SLC36A3: variants seen among roughly 807,000 people sequenced by gnomAD.
SLC36A3 encodes the protein solute carrier family 36 member 3, also known as proton-coupled amino acid transporter 3.
A neutral mutation model predicts 44.3 loss-of-function variants in SLC36A3; 35 were observed. That is an observed-to-expected ratio of 0.79 (90% CI 0.60 to 1.05). The LOEUF (loss-of-function observed/expected upper bound fraction) is 1.05, where lower values mean the gene tolerates loss of function less well. SLC36A3 is among the 50% of genes least tolerant of loss of function. The pLI is 0.00. For missense variants in SLC36A3, 540 were observed against 578.7 expected (o/e 0.93, Z 0.69); for synonymous variants, 211 against 227.6 (o/e 0.93, Z 0.66).
At chr5:151,295,946 CA>C (rs1269471761) in intron 3 of SLC36A3, among the ~76,000 whole-genome samples, 1 of 152,194 alleles carries the variant, frequency 6.6e-6, no homozygotes, top group Non-Finnish European at 1.5e-5. Context: ...GATCTGGGCT[CA>C]GGGGGATGCA....
chr5:151,300,956 T>C (rs915488719), intron 1 of SLC36A3, among the ~76,000 whole-genome samples: 3 of 152,262 alleles, frequency 2.0e-5, no homozygotes, highest in Non-Finnish European at 2.9e-5. Flanking sequence ...TGTCCATACA[T>C]TTCCTCCATC....
chr5:151,285,370 A>G (rs1754496617), intron 6 of SLC36A3, among the ~76,000 whole-genome samples: 1 of 152,212 alleles, frequency 6.6e-6, no homozygotes, highest in South Asian at 2.1e-4. Context: ...AGTGGAACAC[A>G]GAGGAGAGGG....
chr5:151,302,895 TGAG>T (rs1755210277), intron 1 of SLC36A3, among the ~76,000 whole-genome samples: 1 of 123,426 alleles, frequency 8.1e-6, no homozygotes, highest in East Asian at 2.5e-4. Context: ...GGCAGATGTG[TGAG>T]GAGAAGAAGG....
intron 6 of SLC36A3, among the ~76,000 whole-genome samples, chr5:151,286,324 G>C (rs912660013): frequency 1.3e-5 from 2 of 152,118 alleles, no homozygotes; most frequent in African/African-American, 4.8e-5. Context: ...AGACGGTCTT[G>C]CTCTGTCACC....
At chr5:151,283,367 A>T (rs530925055) in intron 8 of SLC36A3, among the ~76,000 whole-genome samples, 51 of 152,328 alleles carry the variant, frequency 3.3e-4, no homozygotes, top group African/African-American at 1.2e-3. Flanking sequence ...GGTTCACACC[A>T]GCAGGTGTGA....
rs1276450880 is a variant in SLC36A3 at position 151,277,584 on chromosome 5, G to A, written c.1222C>T (p.Leu408Phe). 2.5e-6 allele frequency: 4 copies of A among 1,614,074 alleles called. No individual in the cohort carries two copies. The highest frequency in any genetic ancestry group is 3.4e-6 in the Non-Finnish European group (4 of 1,180,046). ...ATCTCCAGGAGGGCTGGGATGATGA[G>A]AGCCAGGGCGCTGCTGCTCACGGAG... ...VGSVSSSALA[L>F]IIPALLEIVI... Residue 408 changes from leucine to phenylalanine, a missense_variant, in exon 10 of 10, where the codon CTC becomes TTC. Leu to Phe is a conservative substitution (Grantham distance 22). Coordinates refer to ENST00000335230, the MANE Select transcript of SLC36A3 (RefSeq NM_181774.4).
chr5:151,295,355 C>T (rs886313557), intron 3 of SLC36A3, among the ~76,000 whole-genome samples: 1 of 152,202 alleles, frequency 6.6e-6, no homozygotes, highest in Non-Finnish European at 1.5e-5. Flanking sequence ...GCACGATAAC[C>T]GCAGTGTAAT....
chr5:151,277,142 C>A lies in SLC36A3; in HGVS notation c.*251G>T. 1 of 506,822 alleles carries A rather than the reference C, an allele frequency of 2.0e-6. No individual in the cohort carries two copies. Among genetic ancestry groups the A allele is most frequent in the South Asian group, 3.1e-5 (1 of 32,248 alleles). The allele number at this position is 506,822 out of a possible 1,614,324, so 31.4% of individuals were successfully genotyped here. A position where few individuals can be genotyped will look rare whatever the true frequency, so the allele number is the denominator to read the frequency against. ...GGCATCCCTTTTCCATAAAATGAGGCTGATAATATGAATAGTTGAATCTAA... is the reference window on the plus strand; with the variant it reads ...GGCATCCCTTTTCCATAAAATGAGGATGATAATATGAATAGTTGAATCTAA... On this transcript the variant is annotated 3_prime_UTR_variant, in exon 10 of 10. Coordinates refer to ENST00000335230, the MANE Select transcript of SLC36A3 (RefSeq NM_181774.4).
intron 6 of SLC36A3, 92 bp from the exon 7 acceptor site, chr5:151,284,803 C>T (rs1003413793): frequency 3.6e-5 from 29 of 811,560 alleles, no homozygotes; most frequent in Non-Finnish European, 4.9e-5. Flanking sequence ...CACACCTGAT[C>T]TCAACAGAGA....
At position 151,281,038 on chromosome 5, in the gene SLC36A3, G is replaced by A. The variant is rs142309332; in HGVS notation, c.1120C>T (p.Arg374Cys). The A allele has an allele frequency of 2.9e-5, 46 of 1,614,006 alleles. No individual in the cohort carries two copies. The highest frequency in any genetic ancestry group is 6.7e-5 in the Admixed American group (4 of 59,988). Residue 374 changes from arginine to cysteine, a missense_variant, in exon 9 of 10, where the codon CGC (arginine) becomes TGC (cysteine). Physicochemically the swap from Arg to Cys is radical, Grantham distance 180 (BLOSUM62 -3). Transcript: ENST00000335230. ...SWALFVDLSVRSALVCLTCVS... is the reference protein window; with the variant it reads ...SWALFVDLSVCSALVCLTCVS... ...CAGGTTAGACAGACCAAGGCTGAGCGGACAGACAGGTCTACAAACAGTGCC... is the reference window on the plus strand; with the variant it reads ...CAGGTTAGACAGACCAAGGCTGAGCAGACAGACAGGTCTACAAACAGTGCC...
chr5:151,285,416 A>T (rs1240827331), intron 6 of SLC36A3, among the ~76,000 whole-genome samples: 2 of 152,252 alleles, frequency 1.3e-5, no homozygotes, highest in African/African-American at 4.8e-5. Context: ...TTAGTGGCAC[A>T]GCCCAGATAA....
At chr5:151,291,234 G>T (rs1363445670) in intron 4 of SLC36A3, among the ~76,000 whole-genome samples, 1 of 152,030 alleles carries the variant, frequency 6.6e-6, no homozygotes, top group Non-Finnish European at 1.5e-5. Context: ...CTCCCACCTT[G>T]ACCTCTCAAG....
At chr5:151,293,786 G>A (rs1024987057) in intron 3 of SLC36A3, among the ~76,000 whole-genome samples, 1 of 152,224 alleles carries the variant, frequency 6.6e-6, no homozygotes, top group African/African-American at 2.4e-5. Context: ...AAGAGGTGGT[G>A]TGGGTGTGGC....
intron 3 of SLC36A3, among the ~76,000 whole-genome samples, chr5:151,295,193 G>A (rs1754918970): frequency 6.6e-6 from 1 of 152,190 alleles, no homozygotes; most frequent in Non-Finnish European, 1.5e-5. Flanking sequence ...TGGAGTCACA[G>A]TAGGTCTTTG....
rs1424037195 is a variant in SLC36A3 at position 151,296,262 on chromosome 5, G to A, written c.226C>T (p.Pro76Ser). 3 of 1,613,950 alleles carry A rather than the reference G, an allele frequency of 1.9e-6. No homozygotes were observed. The highest frequency in any genetic ancestry group is 2.5e-6 in the Non-Finnish European group (3 of 1,179,968). The change falls in exon 3 of 10, where the codon CCT becomes TCT. Residue 76 changes from proline to serine, a missense_variant. Coordinates refer to ENST00000335230, the MANE Select transcript of SLC36A3 (RefSeq NM_181774.4). ...AIKNAGLLVG[P>S]VSLLAIGVLT... ...ACCCCGATGGCCAGAAGGCTGACAG[G>A]ACCGACCTGGAGGGGAGAGGAGAAA...
At chr5:151,278,999 C>T (rs963133242) in intron 9 of SLC36A3, among the ~76,000 whole-genome samples, 4 of 152,246 alleles carry the variant, frequency 2.6e-5, no homozygotes, top group Non-Finnish European at 1.5e-5. Context: ...AGCACAATGA[C>T]CCTTAGGACT....
In SLC36A3 at chr5:151,284,680, A is replaced by G. The variant is rs187861746; in HGVS notation, c.740T>C (p.Met247Thr). 6.8e-6 allele frequency: 11 copies of G among 1,613,566 alleles called. No homozygotes were observed. In the Admixed American group the frequency reaches 1.3e-4, roughly 20 times the overall value. The change falls in exon 7 of 10, where the codon ATG (methionine) becomes ACG (threonine). Residue 247 changes from methionine to threonine, a missense_variant. Physicochemically the swap from Met to Thr is moderately conservative, Grantham distance 81. Transcript: ENST00000335230. The part of the protein sequence containing the change: ...GIPYPSNLPL[M>T]ANWKTFLLFF... ...CAGCAAGAAGGTCTTCCAGTTTGCC[A>G]TCAAGGGTAGGTTGCTGGGATATGG...
At chr5:151,282,349 G>A (rs976483494) in intron 8 of SLC36A3, among the ~76,000 whole-genome samples, 3 of 151,626 alleles carry the variant, frequency 2.0e-5, no homozygotes, top group Admixed American at 6.6e-5. Context: ...TATATTTTTA[G>A]TAGAGACGGG....
intron 5 of SLC36A3, 94 bp downstream of exon 5, chr5:151,288,292 C>T (rs1381480655): frequency 4.5e-6 from 4 of 893,118 alleles, no homozygotes; most frequent in Admixed American, 6.0e-5. Context: ...GAAGTTCTCT[C>T]CTCCCATGAG....
Sources: gnomAD v4.1 joint callset for allele counts (sites outside exome capture counted in the v4.1 genomes callset) on GRCh38, gnomAD v4.1.1 for gene constraint, MANE v1.5 for transcripts, NCBI Gene and HGNC (gene_info 2026-07-23, HGNC 2026-07-21) for gene names.